The following DIP2A variants were observed in gnomAD, a reference collection of about 807,000 sequenced individuals.
DIP2A encodes the protein disco-interacting protein 2 homolog A.
A neutral mutation model predicts 177.4 loss-of-function variants in DIP2A; 85 were observed. That is an observed-to-expected ratio of 0.48 (90% CI 0.40 to 0.57). The LOEUF (loss-of-function observed/expected upper bound fraction) is 0.57, where lower values mean the gene tolerates loss of function less well. Ranked by LOEUF, DIP2A falls within the 20% of genes least tolerant of loss-of-function variation. The pLI is 0.00. For synonymous variants in DIP2A, 886 were observed against 881.8 expected, an observed-to-expected ratio of 1.00 and a Z score of -0.08; for missense variants, 1,791 against 2,100.2, an observed-to-expected ratio of 0.85 and a Z score of 2.88.
intron 1 of DIP2A, among the ~76,000 whole-genome samples, chr21:46,468,593 C>T (rs944960541): frequency 6.6e-6 from 1 of 152,064 alleles, no homozygotes; most frequent in East Asian, 1.9e-4. Flanking sequence ...TTCAGTTATA[C>T]AGGATGAGTA....
At chr21:46,566,835 G>A (rs900463109) in intron 37 of DIP2A, among the ~76,000 whole-genome samples, 152 bp downstream of exon 37, 3 of 152,238 alleles carry the variant, frequency 2.0e-5, no homozygotes, top group South Asian at 2.1e-4. Context: ...GGAGCTGGGT[G>A]CCATGTAGAT....
At chr21:46,482,601 T>C (rs552402489) in intron 1 of DIP2A, among the ~76,000 whole-genome samples, 2 of 152,238 alleles carry the variant, frequency 1.3e-5, no homozygotes, top group South Asian at 4.1e-4. Context: ...GGCAGACCCT[T>C]CGTGAGCTAT....
chr21:46,526,686 C>A (rs997831472), intron 8 of DIP2A, among the ~76,000 whole-genome samples: 1 of 152,126 alleles, frequency 6.6e-6, no homozygotes. Flanking sequence ...TGAGCCACTG[C>A]GCCAGGCCTG....
intron 35 of DIP2A, among the ~76,000 whole-genome samples, chr21:46,565,466 A>T (rs964061472): frequency 6.6e-6 from 1 of 152,230 alleles, no homozygotes; most frequent in African/African-American, 2.4e-5. Flanking sequence ...CCCACGTAGG[A>T]TAGAGTCCTA....
chr21:46,459,446 C>T (rs1011150113), intron 1 of DIP2A, among the ~76,000 whole-genome samples: 1 of 150,584 alleles, frequency 6.6e-6, no homozygotes, highest in Non-Finnish European at 1.5e-5. Flanking sequence ...TTCCTCAACC[C>T]TAGGACCCCG....
At chr21:46,508,693 G>T (rs2058147089) in intron 6 of DIP2A, among the ~76,000 whole-genome samples, 1 of 151,942 alleles carries the variant, frequency 6.6e-6, no homozygotes, top group Non-Finnish European at 1.5e-5. Flanking sequence ...CTTCCTGAAA[G>T]GGACTTGGAT....
intron 2 of DIP2A, among the ~76,000 whole-genome samples, chr21:46,486,973 A>G (rs2056737536): frequency 6.6e-6 from 1 of 152,266 alleles, no homozygotes; most frequent in African/African-American, 2.4e-5. Context: ...CATATAGCCA[A>G]TACAAGCTTA....
intron 1 of DIP2A, among the ~76,000 whole-genome samples, chr21:46,469,532 T>C (rs2055166802): frequency 6.6e-6 from 1 of 152,060 alleles, no homozygotes; most frequent in African/African-American, 2.4e-5. Flanking sequence ...GACGTACATC[T>C]AATCTAATAG....
At chr21:46,535,178 A>G (rs933314473) in intron 13 of DIP2A, among the ~76,000 whole-genome samples, 6 of 152,194 alleles carry the variant, frequency 3.9e-5, no homozygotes, top group Admixed American at 3.9e-4. Flanking sequence ...TAGAATCTTT[A>G]TGGTTATAGA....
At chr21:46,530,587 G>A (rs1339084729) in intron 9 of DIP2A, among the ~76,000 whole-genome samples, 2 of 152,094 alleles carry the variant, frequency 1.3e-5, no homozygotes, top group Non-Finnish European at 2.9e-5. Context: ...GATGGAGAGC[G>A]GAGTAAAATA....
chr21:46,471,253 ACTC>A (rs1486682897), intron 1 of DIP2A, among the ~76,000 whole-genome samples: 1 of 151,098 alleles, frequency 6.6e-6, no homozygotes, highest in Non-Finnish European at 1.5e-5. Flanking sequence ...CTAGTCTTGA[ACTC>A]CTGGTTTCAA....
rs1193147832 is a variant in DIP2A at position 46,569,235 on chromosome 21, C to T, written c.*1613C>T. On this transcript the variant is annotated 3_prime_UTR_variant, in exon 38 of 38. Coordinates refer to ENST00000417564, the MANE Select transcript of DIP2A (RefSeq NM_015151.4). ...GCCTAACAAAGCTGTTATTAATTCT[C>T]CACACATGAGTCTGGCTAACTGGGC... is the stretch of plus-strand genomic sequence containing the variant. 6.6e-6 allele frequency: 1 copy of T among 152,162 alleles called. No homozygotes were observed. Among genetic ancestry groups the T allele is most frequent in the Non-Finnish European group, 1.5e-5 (1 of 68,042 alleles). 9.4% of individuals were successfully genotyped at this position (152,162 alleles called of 1,614,324 possible). A position where few individuals can be genotyped will look rare whatever the true frequency, so the allele number is the denominator to read the frequency against.
chr21:46,572,490 C>G (rs2060975497), downstream of DIP2A, among the ~76,000 whole-genome samples: 1 of 151,888 alleles, frequency 6.6e-6, no homozygotes, highest in Non-Finnish European at 1.5e-5. Context: ...GAGGTGGGGC[C>G]CTTAAGAGGT....
chr21:46,504,852 G>A (rs545466864), intron 6 of DIP2A, among the ~76,000 whole-genome samples: 3 of 152,214 alleles, frequency 2.0e-5, no homozygotes, highest in African/African-American at 4.8e-5. Flanking sequence ...TAGTCAGTGC[G>A]AGTGCACACA....
chr21:46,534,512 C>T, intron 12 of DIP2A, 73 bp from the exon 13 acceptor site: 2 of 1,393,920 alleles, frequency 1.4e-6, no homozygotes, highest in South Asian at 2.5e-5. Context: ...TTTGAAGATT[C>T]TACCAGTTTC....
chr21:46,513,641 C>G (rs891761717), intron 8 of DIP2A, among the ~76,000 whole-genome samples: 1 of 152,140 alleles, frequency 6.6e-6, no homozygotes, highest in African/African-American at 2.4e-5. Context: ...CATTGAATCT[C>G]TAGTTCAATT....
At chr21:46,503,626 TTC>T (rs1491136449) in intron 5 of DIP2A, among the ~76,000 whole-genome samples, 1 of 143,904 alleles carries the variant, frequency 6.9e-6, no homozygotes, top group Non-Finnish European at 1.5e-5. Flanking sequence ...CTTTCTTTCT[TTC>T]TTTCTTTCCT....
rs924771786 is a variant in DIP2A, at chr21:46,541,674, T to A, written c.2037-82T>A. ...ATGGAGCAGTGGCTTTGGTGCAGAA[T>A]CATGCTGCAGGCAAGGTGGGCCCAC... On this transcript the variant is annotated intron_variant, in intron 17 of 37. Transcript: ENST00000417564. 9 of 1,543,480 alleles carry A rather than the reference T, an allele frequency of 5.8e-6. No individual in the cohort carries two copies. The Admixed American group carries it at 1.3e-4, about 23-fold the overall frequency.
the DIP2A span, among the ~76,000 whole-genome samples, chr21:46,582,631 G>C: frequency 6.6e-6 from 1 of 152,026 alleles, no homozygotes; most frequent in Non-Finnish European, 1.5e-5. Context: ...TCCATGGGTT[G>C]TGCCAACCAC....
Sources: gnomAD v4.1 joint callset for allele counts (sites outside exome capture counted in the v4.1 genomes callset) on GRCh38, gnomAD v4.1.1 for gene constraint, MANE v1.5 for transcripts, NCBI Gene and HGNC (gene_info 2026-07-23, HGNC 2026-07-21) for gene names.